The following WIPF1 variants were observed in gnomAD, a reference collection of about 807,000 sequenced individuals.
WIPF1 encodes WAS/WASL-interacting protein family member 1.
WIPF1 carries 13 observed loss-of-function variants against 35.4 expected under a neutral mutation model. The observed-to-expected ratio is 0.37, with a 90% confidence interval of 0.24 to 0.58. The LOEUF (loss-of-function observed/expected upper bound fraction) is 0.58, where lower values mean the gene tolerates loss of function less well. WIPF1 is among the 20% of genes least tolerant of loss of function. The probability of loss-of-function intolerance (pLI) is 0.74; values close to 1 mark genes in which losing one functional copy is unlikely to be tolerated. For missense variants in WIPF1, 591 were observed against 667.0 expected (o/e 0.89, Z 1.25); for synonymous variants, 267 against 266.3 (o/e 1.00, Z -0.02).
Position 174,672,627 on chromosome 2 carries a change from C to T in WIPF1, c.-39+10147G>A, listed in dbSNP as rs115822406. ...AAATATCAGGCTTCGGCTCCTCAGG[C>T]CTCTGAATGACAAGTTACAACGTTG... is the stretch of plus-strand genomic sequence containing the variant. On this transcript the variant is annotated intron_variant, in intron 1 of 8. Coordinates refer to the WIPF1 transcript ENST00000272746. Among the ~76,000 whole-genome samples, 1,057 of 152,312 alleles carry T rather than the reference C, an allele frequency of 6.9e-3. 15 individuals are homozygous for T. Among genetic ancestry groups the T allele is most frequent in the African/African-American group, 0.025 (1,020 of 41,546 alleles).
intron 1 of WIPF1, among the ~76,000 whole-genome samples, chr2:174,652,710 G>T (rs1687557952): frequency 6.6e-6 from 1 of 151,942 alleles, no homozygotes; most frequent in South Asian, 2.1e-4. Context: ...AGAGGAGTAA[G>T]TGTGGCTGGG....
In WIPF1 at chr2:174,652,147, G is replaced by A. The variant is rs147164706; in HGVS notation, c.-39+30627C>T. ...GAAGTTACACAGGGTCATTTCTGCC[G>A]TACTCCCTTGGTCAAAGTAGTCACA... On this transcript the variant is annotated intron_variant, in intron 1 of 8. Transcript: ENST00000272746. 4.7e-4 allele frequency among the ~76,000 whole-genome samples: 72 copies of A among 152,238 alleles called. 1 individual carries two copies. The highest frequency in any genetic ancestry group is 1.5e-3 in the South Asian group (7 of 4,816).
At chr2:174,621,137 C>T (rs993568967) in intron 1 of WIPF1, among the ~76,000 whole-genome samples, 1 of 152,128 alleles carries the variant, frequency 6.6e-6, no homozygotes, top group African/African-American at 2.4e-5. Context: ...ACTCTGAAGG[C>T]AGGAGCTTTA....
At chr2:174,676,653 G>A (rs1688138482) in intron 1 of WIPF1, 1 of 152,048 alleles carries the variant, frequency 6.6e-6, no homozygotes, top group Non-Finnish European at 1.5e-5. Context: ...GCCAAAGCAA[G>A]GGATGCAAAA....
intron 7 of WIPF1, among the ~76,000 whole-genome samples, chr2:174,564,357 A>G (rs1684578304): frequency 6.6e-6 from 1 of 152,336 alleles, no homozygotes; most frequent in African/African-American, 2.4e-5. Context: ...ATGGTAGCTC[A>G]TGCCTATAAT....
Position 174,581,389 on chromosome 2 carries a change from A to G in WIPF1, c.102T>C (p.Asn34=). The change falls in exon 3 of 8, where the codon AAT becomes AAC. Residue 34 remains asparagine (N), a synonymous_variant. Transcript: ENST00000679041. The part of the protein sequence containing the change: ...TLNKTEQAGR[N]ALLSDISKGK... ...CTTTGCTGATATCAGAAAGGAGAGC[A>G]TTTCTCCCAGCCTGCTCTGTCTTAT... 6.2e-7 allele frequency: 1 copy of G among 1,613,922 alleles called. No individual in the cohort carries two copies. The highest frequency in any genetic ancestry group is 8.5e-7 in the Non-Finnish European group (1 of 1,179,964).
chr2:174,569,060 A>T (rs1189713571), intron 5 of WIPF1, among the ~76,000 whole-genome samples: 2 of 152,208 alleles, frequency 1.3e-5, no homozygotes, highest in South Asian at 4.1e-4. Context: ...TCCAATGTAA[A>T]TCAAAATGGC....
At chr2:174,627,987 A>T (rs961911195) in intron 1 of WIPF1, among the ~76,000 whole-genome samples, 2 of 152,026 alleles carry the variant, frequency 1.3e-5, no homozygotes, top group African/African-American at 2.4e-5. Context: ...CCCTGAAAAG[A>T]CCCCTAAGAG....
chr2:174,571,937 T>C lies in WIPF1; in HGVS notation c.868A>G (p.Asn290Asp). The change falls in exon 5 of 8, where the codon AAC becomes GAC. Residue 290 changes from asparagine (N) to aspartate (D), a missense_variant. Asn to Asp is a conservative substitution (Grantham distance 23). Around this residue, in one of 3 missense-constraint regions of WIPF1, gnomAD observed 471 missense variants for 501.1 expected, o/e 0.94. Transcript: ENST00000679041. The surrounding 1 kb of genome is among the most constrained non-coding windows in gnomAD (Gnocchi z 4.6). ...EAVPPPPPQN[N>D]KPPVPSTPRP... is the part of the protein sequence containing the mutation. ...GGAGTGGAAGGCACTGGAGGCTTGTTGTTCTGAGGAGGAGGAGGGGGAACC... is the reference window on the plus strand; with the variant it reads ...GGAGTGGAAGGCACTGGAGGCTTGTCGTTCTGAGGAGGAGGAGGGGGAACC... 1 of 1,593,250 alleles carries C rather than the reference T, an allele frequency of 6.3e-7. No homozygotes were observed. The highest frequency in any genetic ancestry group is 8.5e-7 in the Non-Finnish European group (1 of 1,170,342).
At chr2:174,602,755 C>T (rs528338589), upstream of WIPF1, among the ~76,000 whole-genome samples, 1 of 152,292 alleles carries the variant, frequency 6.6e-6, no homozygotes, top group East Asian at 1.9e-4. Flanking sequence ...TAGTATTCTG[C>T]ACCCTGTTAA....
chr2:174,638,727 G>A (rs1687237097), intron 1 of WIPF1, among the ~76,000 whole-genome samples: 1 of 152,156 alleles, frequency 6.6e-6, no homozygotes, highest in African/African-American at 2.4e-5. Context: ...AATGACAGGA[G>A]TTTATTCATT....
intron 1 of WIPF1, among the ~76,000 whole-genome samples, chr2:174,617,732 G>GTCTC (rs1686552759): frequency 6.6e-6 from 1 of 152,162 alleles, no homozygotes. Flanking sequence ...TTTCCCAAAG[G>GTCTC]TCTCACCCAG....
intron 7 of WIPF1, chr2:174,566,796 A>T (rs1574784321): frequency 3.0e-6 from 1 of 331,490 alleles, no homozygotes; most frequent in Non-Finnish European, 5.5e-6. Context: ...AAAACAGAGG[A>T]AGACGTCCAA....
chr2:174,634,290 A>T (rs763266894), intron 1 of WIPF1, among the ~76,000 whole-genome samples: 2 of 152,232 alleles, frequency 1.3e-5, no homozygotes, highest in African/African-American at 2.4e-5. Context: ...GAAGCAGAGA[A>T]GTTCTAAACA....
At chr2:174,626,849 C>G (rs1015653622) in intron 1 of WIPF1, among the ~76,000 whole-genome samples, 2 of 152,196 alleles carry the variant, frequency 1.3e-5, no homozygotes, top group African/African-American at 4.8e-5. Context: ...ACAGTCTATT[C>G]TCAATACAGT....
chr2:174,568,020 G>A lies in WIPF1; in HGVS notation c.1183C>T (p.Leu395=). ...GATGGCAACTGAGGGGTAGCAGGCA[G>A]GGCCCGAGATGTGCTGCCGTTTCTG... ...VSRNGSTSRA[L]PATPQLPSRS... Residue 395 remains leucine (L), a synonymous_variant, in exon 6 of 8, where the codon CTG becomes TTG. Transcript: ENST00000679041. 6.2e-7 allele frequency: 1 copy of A among 1,613,836 alleles called. No individual in the cohort carries two copies. Among genetic ancestry groups the A allele is most frequent in the Non-Finnish European group, 8.5e-7 (1 of 1,180,040 alleles).
At position 174,663,674 on chromosome 2, in the gene WIPF1, T is replaced by C. The variant is rs567998832; in HGVS notation, c.-39+19100A>G. Among the ~76,000 whole-genome samples the C allele has an allele frequency of 3.3e-5, 5 of 152,360 alleles. No individual in the cohort carries two copies. The South Asian group carries it at 1.0e-3, about 32-fold the overall frequency. On this transcript the variant is annotated intron_variant, in intron 1 of 8. Transcript: ENST00000272746. ...GAGGGATTCCAGATATGAAAGTCAC[T>C]GTGGGAGGAAAACAGAGGAACACGC...
At chr2:174,591,053 G>A (rs1224751454) in intron 1 of WIPF1, among the ~76,000 whole-genome samples, 1 of 152,166 alleles carries the variant, frequency 6.6e-6, no homozygotes, top group African/African-American at 2.4e-5. Context: ...TGAGGCCATT[G>A]GGTGAGATCT....
intron 1 of WIPF1, among the ~76,000 whole-genome samples, chr2:174,636,997 C>CA (rs1202310665): frequency 6.6e-6 from 1 of 152,208 alleles, no homozygotes; most frequent in Non-Finnish European, 1.5e-5. Context: ...GAAAGTCCTT[C>CA]AGGGTAGAGT....
Sources: gnomAD v4.1 joint callset for allele counts (sites outside exome capture counted in the v4.1 genomes callset) on GRCh38, gnomAD v4.1.1 for gene constraint, gnomAD v4.1.1 regional missense constraint, Gnocchi (gnomAD v3.1) non-coding constraint, MANE v1.5 for transcripts, NCBI Gene and HGNC (gene_info 2026-07-23, HGNC 2026-07-21) for gene names.